The following STK32B variants were observed in gnomAD, a reference collection of about 807,000 sequenced individuals.
STK32B encodes the protein serine/threonine-protein kinase 32B.
A neutral mutation model predicts 52.6 loss-of-function variants in STK32B; 43 were observed. The ratio of observed to expected loss-of-function variants is 0.82; its 90% CI spans 0.64 to 1.05. The LOEUF (loss-of-function observed/expected upper bound fraction) is 1.05. Ranked by LOEUF, STK32B falls within the 50% of genes least tolerant of loss-of-function variation. The pLI is 0.00. For missense variants in STK32B, 621 were observed against 534.6 expected (o/e 1.16, Z -1.59); for synonymous variants, 238 against 204.3 (o/e 1.17, Z -1.41).
intron 7 of STK32B, among the ~76,000 whole-genome samples, chr4:5,451,601 G>T (rs1271223816): frequency 6.6e-6 from 1 of 152,154 alleles, no homozygotes; most frequent in Non-Finnish European, 1.5e-5. Context: ...CAGTAGTACA[G>T]GCCCGTGGTA....
chr4:5,240,521 A>G (rs1724949754), intron 3 of STK32B, among the ~76,000 whole-genome samples: 1 of 152,052 alleles, frequency 6.6e-6, no homozygotes, highest in Non-Finnish European at 1.5e-5. Flanking sequence ...GTGCAGTGGC[A>G]TGATCTCTGC....
rs1187234071 is a variant in STK32B, at chr4:5,400,369, GC to G, written c.472+2130del. ...CCACATTCTTTCTGCATCTCGTTCT[GC>G]CCCCTTGAGCTCCTCATCTTTTTCC... On this transcript the variant is annotated intron_variant, in intron 5 of 11. Coordinates refer to ENST00000282908, the MANE Select transcript of STK32B (RefSeq NM_018401.3). This position sits in a 1 kb window ranked among gnomAD's most constrained non-coding sequence, Gnocchi z 6.1. Among the ~76,000 whole-genome samples, 1 of 151,752 alleles carries G rather than the reference GC, an allele frequency of 6.6e-6. No individual in the cohort carries two copies. Among genetic ancestry groups the G allele is most frequent in the Admixed American group, 6.6e-5 (1 of 15,216 alleles).
intron 4 of STK32B, among the ~76,000 whole-genome samples, chr4:5,391,267 T>G (rs1736581067): frequency 6.6e-6 from 1 of 152,080 alleles, no homozygotes; most frequent in South Asian, 2.1e-4. Flanking sequence ...GCCTGTTTTC[T>G]CTCTTCATAT....
chr4:5,289,276 A>G (rs73087501), intron 3 of STK32B, among the ~76,000 whole-genome samples: 30,734 of 152,076 alleles, frequency 0.2, 4,768 homozygotes, highest in African/African-American at 0.44. Flanking sequence ...GAAAAATGGC[A>G]CACCTGTATA....
chr4:5,437,466 A>G (rs912086524), intron 6 of STK32B, among the ~76,000 whole-genome samples: 13 of 152,246 alleles, frequency 8.5e-5, no homozygotes, highest in Admixed American at 3.3e-4. Flanking sequence ...TGTGTCTCAG[A>G]TCTTTCCTTT....
At position 5,294,908 on chromosome 4, in the gene STK32B, T is replaced by A. The variant is rs1577305759; in HGVS notation, c.261-36312T>A. On this transcript the variant is annotated intron_variant, in intron 3 of 11. Transcript: ENST00000282908. ...CATTCAGTATGATATTGGCTGTGGG[T>A]TTGTCATAAATACCTCTCATTATTT... 2.0e-5 allele frequency among the ~76,000 whole-genome samples: 3 copies of A among 152,168 alleles called. No homozygotes were observed. The South Asian group carries it at 6.2e-4, about 31-fold the overall frequency.
intron 5 of STK32B, among the ~76,000 whole-genome samples, chr4:5,407,999 T>A (rs1737789626): frequency 6.6e-6 from 1 of 152,060 alleles, no homozygotes. Flanking sequence ...AGCAAGAAGT[T>A]GCCACCTCTG....
At chr4:5,267,383 C>G (rs1727123908) in intron 3 of STK32B, among the ~76,000 whole-genome samples, 1 of 152,094 alleles carries the variant, frequency 6.6e-6, no homozygotes, top group Non-Finnish European at 1.5e-5. Flanking sequence ...CCCCGCTTTC[C>G]CTGAGTTTCT....
At chr4:5,409,443 A>G (rs753068075) in intron 5 of STK32B, among the ~76,000 whole-genome samples, 5 of 152,174 alleles carry the variant, frequency 3.3e-5, no homozygotes, top group African/African-American at 4.8e-5. Context: ...GTGAGATAGA[A>G]AGGAAGTGTA....
chr4:5,120,949 G>A (rs751477226), intron 1 of STK32B, among the ~76,000 whole-genome samples: 1 of 151,702 alleles, frequency 6.6e-6, no homozygotes, highest in Non-Finnish European at 1.5e-5. Flanking sequence ...TGTTTCAATA[G>A]TTTTTGGGGT....
rs549469046 is a variant in STK32B at position 5,150,180 on chromosome 4, C to T, written c.108+10220C>T. Among the ~76,000 whole-genome samples the T allele has an allele frequency of 2.6e-5, 4 of 152,130 alleles. No individual in the cohort carries two copies. In the East Asian group the frequency reaches 7.7e-4, roughly 29 times the overall value. On this transcript the variant is annotated intron_variant, in intron 2 of 11. Transcript: ENST00000282908. ...TAAAATTTGACTTTTAGAAGTTTTC[C>T]TATGGTATGCATAGGTGGAAACTCT...
intron 8 of STK32B, among the ~76,000 whole-genome samples, chr4:5,459,292 C>CCA (rs1553894416): frequency 1.3e-5 from 2 of 148,376 alleles, no homozygotes; most frequent in Admixed American, 6.7e-5. Context: ...GCCCCCCCCC[C>CCA]CCACCTTTCT....
chr4:5,433,977 T>C (rs1237797013), intron 6 of STK32B, among the ~76,000 whole-genome samples: 1 of 152,236 alleles, frequency 6.6e-6, no homozygotes, highest in African/African-American at 2.4e-5. Context: ...TATGATGCCC[T>C]AATGCTCCTT....
At chr4:5,039,457 T>A in the STK32B span, among the ~76,000 whole-genome samples, 1 of 152,176 alleles carries the variant, frequency 6.6e-6, no homozygotes, top group African/African-American at 2.4e-5. Flanking sequence ...CACTGGACAG[T>A]CTTAGGGGCA....
At chr4:5,410,930 TGTA>T (rs779478711) in intron 5 of STK32B, among the ~76,000 whole-genome samples, 1 of 152,126 alleles carries the variant, frequency 6.6e-6, no homozygotes, top group Non-Finnish European at 1.5e-5. Flanking sequence ...GTTGATATCT[TGTA>T]GTTGCGTCCT....
intron 3 of STK32B, among the ~76,000 whole-genome samples, chr4:5,187,092 A>T (rs971465611): frequency 3.9e-5 from 6 of 152,186 alleles, no homozygotes; most frequent in Admixed American, 3.9e-4. Context: ...TGTGTCAGGC[A>T]GTTCCTGCAG....
intron 3 of STK32B, among the ~76,000 whole-genome samples, chr4:5,302,994 G>A (rs1308451779): frequency 6.6e-6 from 1 of 151,260 alleles, no homozygotes; most frequent in Non-Finnish European, 1.5e-5. Context: ...GTGTGTGTGT[G>A]TGTTTGTGTG....
intron 4 of STK32B, among the ~76,000 whole-genome samples, chr4:5,333,381 T>C (rs373440599): frequency 0.011 from 1,718 of 152,338 alleles, 21 homozygotes; most frequent in South Asian, 0.057. Flanking sequence ...ATATTAGCCC[T>C]TTGTCAGATG....
chr4:5,176,014 C>T (rs1719851283), intron 3 of STK32B, among the ~76,000 whole-genome samples: 1 of 152,216 alleles, frequency 6.6e-6, no homozygotes. Context: ...GCGCCCCTCC[C>T]CAAGCCTCGC....
Sources: allele counts gnomAD v4.1 joint callset (sites outside exome capture counted in the v4.1 genomes callset), GRCh38; gene constraint gnomAD v4.1.1; non-coding constraint Gnocchi (gnomAD v3.1); transcripts MANE v1.5; gene names NCBI Gene and HGNC (gene_info 2026-07-23, HGNC 2026-07-21).